The following GALNT17 variants were observed in gnomAD, a reference collection of about 807,000 sequenced individuals.
GALNT17 encodes UDP-GalNAc:polypeptide N-acetylgalactosaminyltransferase-like 3.
Under a neutral mutation model 63.7 loss-of-function variants are expected in GALNT17, and 29 were observed. That is an observed-to-expected ratio of 0.46 (90% CI 0.34 to 0.62). GALNT17 has a LOEUF of 0.62. Ranked by LOEUF, GALNT17 falls within the 20% of genes least tolerant of loss-of-function variation. The pLI, the probability that GALNT17 is intolerant of heterozygous loss-of-function variation, is 0.01. For synonymous variants in GALNT17, 305 were observed against 318.3 expected (o/e 0.96, Z 0.45); for missense variants, 603 against 799.6 (o/e 0.75, Z 2.97).
chr7:71,485,794 C>T (rs1787898914), intron 5 of GALNT17, among the ~76,000 whole-genome samples: 1 of 152,180 alleles, frequency 6.6e-6, no homozygotes. Flanking sequence ...AATCCATCCT[C>T]TGAAATCCAT....
chr7:71,275,536 C>T (rs567349842), intron 1 of GALNT17, among the ~76,000 whole-genome samples: 1 of 152,304 alleles, frequency 6.6e-6, no homozygotes, highest in African/African-American at 2.4e-5. Context: ...GTGTGAGACC[C>T]ACTGAGCTGC....
intron 6 of GALNT17, among the ~76,000 whole-genome samples, chr7:71,658,939 A>T (rs1036610803): frequency 6.6e-6 from 1 of 151,680 alleles, no homozygotes; most frequent in African/African-American, 2.4e-5. Flanking sequence ...TGTTGCTGTC[A>T]CTAAAGCTAT....
chr7:71,364,864 C>G (rs552386907), intron 2 of GALNT17, among the ~76,000 whole-genome samples: 3 of 152,312 alleles, frequency 2.0e-5, no homozygotes, highest in African/African-American at 7.2e-5. Context: ...CTTCTTTAAT[C>G]TACTTCCCTT....
At chr7:71,657,849 T>TATGGATGG (rs56699781) in intron 6 of GALNT17, among the ~76,000 whole-genome samples, 46 of 125,156 alleles carry the variant, frequency 3.7e-4, no homozygotes, top group African/African-American at 1.0e-3. Flanking sequence ...TATTTCATTT[T>TATGGATGG]ATGGATGGAT....
chr7:71,356,757 A>G (rs537374006), intron 2 of GALNT17, among the ~76,000 whole-genome samples: 1 of 152,116 alleles, frequency 6.6e-6, no homozygotes, highest in African/African-American at 2.4e-5. Flanking sequence ...AATATCCAAA[A>G]CATAGCATAT....
intron 5 of GALNT17, among the ~76,000 whole-genome samples, chr7:71,486,752 A>G (rs1481676853): frequency 6.6e-6 from 1 of 151,306 alleles, no homozygotes; most frequent in Non-Finnish European, 1.5e-5. Flanking sequence ...AAGTCCACCT[A>G]CTCAGGAGGC....
intron 9 of GALNT17, among the ~76,000 whole-genome samples, chr7:71,707,708 T>C (rs554867174): frequency 1.3e-5 from 2 of 152,186 alleles, no homozygotes; most frequent in Admixed American, 6.5e-5. Flanking sequence ...TTTGGTTAAC[T>C]GGTGGTTAAC....
intron 1 of GALNT17, among the ~76,000 whole-genome samples, chr7:71,280,661 T>G (rs1167038807): frequency 2.6e-5 from 4 of 152,208 alleles, no homozygotes; most frequent in African/African-American, 9.7e-5. Flanking sequence ...GACTCTGCCC[T>G]CCAGTCTGTC....
chr7:71,475,268 CTTTG>C (rs1787703991), intron 5 of GALNT17, among the ~76,000 whole-genome samples: 1 of 152,146 alleles, frequency 6.6e-6, no homozygotes, highest in Non-Finnish European at 1.5e-5. Context: ...TGATTGTACA[CTTTG>C]TTTTTATTAT....
rs187470367 is a variant in GALNT17 at position 71,280,553 on chromosome 7, A to C, written c.239-54997A>C. ...AACCCGTTTAACCTAGCTGAAGCAC[A>C]GAAGGGAAGACGCAGAAATTTATTA... On this transcript the variant is annotated intron_variant, in intron 1 of 10. Coordinates refer to ENST00000333538, the MANE Select transcript of GALNT17 (RefSeq NM_022479.3). Among the ~76,000 whole-genome samples, 11 of 152,328 alleles carry C rather than the reference A, an allele frequency of 7.2e-5. No homozygotes were observed. In the East Asian group the frequency reaches 1.7e-3, roughly 24 times the overall value.
chr7:71,370,830 T>A (rs552199005), intron 2 of GALNT17, among the ~76,000 whole-genome samples: 1 of 152,052 alleles, frequency 6.6e-6, no homozygotes, highest in Non-Finnish European at 1.5e-5. Flanking sequence ...GGTCTCGAAC[T>A]TCTGGCCTCA....
intron 5 of GALNT17, among the ~76,000 whole-genome samples, chr7:71,445,179 CTTTT>C (rs748963165): frequency 7.7e-6 from 1 of 130,412 alleles, no homozygotes; most frequent in African/African-American, 2.8e-5. Context: ...TTCTTTCTTT[CTTTT>C]TTTTTTTTTT....
chr7:71,302,004 A>G (rs1303853652), intron 1 of GALNT17, among the ~76,000 whole-genome samples: 1 of 152,218 alleles, frequency 6.6e-6, no homozygotes, highest in Non-Finnish European at 1.5e-5. Flanking sequence ...CAAGAATGGA[A>G]TACTGTGTAG....
At chr7:71,587,935 T>G (rs1399981269) in intron 6 of GALNT17, among the ~76,000 whole-genome samples, 1 of 152,170 alleles carries the variant, frequency 6.6e-6, no homozygotes. Flanking sequence ...CAGAACATCC[T>G]TGCTTTCTGG....
rs78478153 is a variant in GALNT17, at chr7:71,696,467, T to C, written c.1501-14294T>C. ...GTTTTCTACACTGACTGCTGGATTT[T>C]AAAATCAAGAGAAAGGCCTCTAATA... On this transcript the variant is annotated intron_variant, in intron 9 of 10. Coordinates refer to ENST00000333538, the MANE Select transcript of GALNT17 (RefSeq NM_022479.3). 7.6e-3 allele frequency among the ~76,000 whole-genome samples: 1,163 copies of C among 152,268 alleles called. 17 individuals are homozygous for C. Among genetic ancestry groups the C allele is most frequent in the African/African-American group, 0.022 (932 of 41,556 alleles).
intron 5 of GALNT17, among the ~76,000 whole-genome samples, chr7:71,428,837 G>A (rs559253979): frequency 1.1e-4 from 16 of 152,242 alleles, no homozygotes; most frequent in African/African-American, 3.9e-4. Flanking sequence ...GTGGAAAGAC[G>A]GCTTCCCTGA....
intron 6 of GALNT17, among the ~76,000 whole-genome samples, chr7:71,611,302 T>C (rs1217298341): frequency 1.3e-5 from 2 of 152,158 alleles, no homozygotes; most frequent in African/African-American, 4.8e-5. Context: ...GGGTGGGCAC[T>C]CAAGGCCCAT....
chr7:71,494,317 A>G (rs2116681224), intron 5 of GALNT17, among the ~76,000 whole-genome samples: 1 of 152,136 alleles, frequency 6.6e-6, no homozygotes, highest in East Asian at 1.9e-4. Flanking sequence ...GATTATGGGG[A>G]TTATAATTCG....
At chr7:71,460,430 T>C (rs1229173761) in intron 5 of GALNT17, among the ~76,000 whole-genome samples, 3 of 152,220 alleles carry the variant, frequency 2.0e-5, no homozygotes, top group Non-Finnish European at 4.4e-5. Context: ...ATTTTTGTGG[T>C]CACTGCCCAC....
Sources: gnomAD v4.1 joint callset for allele counts (sites outside exome capture counted in the v4.1 genomes callset) on GRCh38, gnomAD v4.1.1 for gene constraint, MANE v1.5 for transcripts, NCBI Gene and HGNC (gene_info 2026-07-23, HGNC 2026-07-21) for gene names.